Variants in MARCHF5 observed in about 807,000 individuals in gnomAD.
MARCHF5 encodes the protein membrane associated ring-CH-type finger 5, also known as E3 ubiquitin-protein ligase MARCHF5.
Under a neutral mutation model 36.5 loss-of-function variants are expected in MARCHF5, and 5 were observed. The observed-to-expected ratio is 0.14, with a 90% CI of 0.07 to 0.29. The LOEUF (loss-of-function observed/expected upper bound fraction) is 0.29, where lower values mean the gene tolerates loss of function less well. Among genes scored for constraint, MARCHF5 ranks in the 10% least tolerant of loss-of-function variants. The probability of loss-of-function intolerance (pLI) is 1.00; values close to 1 mark genes in which losing one functional copy is unlikely to be tolerated. For missense variants in MARCHF5, 179 were observed against 336.3 expected (o/e 0.53, Z 3.66); for synonymous variants, 103 against 109.9 (o/e 0.94, Z 0.39).
At chr10:92,314,741 T>C (rs1472983084) in intron 2 of MARCHF5, among the ~76,000 whole-genome samples, 5 of 10,664 alleles carry the variant, frequency 4.7e-4, no homozygotes, top group South Asian at 4.9e-3. Context: ...TGCTGCTGCT[T>C]CCCCCCGCCC....
At chr10:92,303,252 C>T (rs1469720173) in intron 1 of MARCHF5, among the ~76,000 whole-genome samples, 1 of 152,160 alleles carries the variant, frequency 6.6e-6, no homozygotes, top group African/African-American at 2.4e-5. Context: ...TGTTATTCAT[C>T]CTTTCCCAAC....
At chr10:92,308,779 A>G (rs1210989220) in intron 1 of MARCHF5, among the ~76,000 whole-genome samples, 1 of 148,516 alleles carries the variant, frequency 6.7e-6, no homozygotes, top group Non-Finnish European at 1.5e-5. Context: ...ATCTTGGCTC[A>G]CTGCAAGCTC....
rs576622888 is a variant in MARCHF5, at chr10:92,322,978, C to T, written c.238+11641C>T. On this transcript the variant is annotated intron_variant, in intron 2 of 5. Transcript: ENST00000358935. Reference sequence around the variant, plus strand: ...GTCTTGATCTCTTGACCTCGTGATCCACCCACCTTGGCCTCCCAAAGTGCT... The same window carrying T: ...GTCTTGATCTCTTGACCTCGTGATCTACCCACCTTGGCCTCCCAAAGTGCT... Among the ~76,000 whole-genome samples, 260 of 151,628 alleles carry T rather than the reference C, an allele frequency of 1.7e-3. 3 individuals are homozygous for T. Among genetic ancestry groups the T allele is most frequent in the African/African-American group, 5.8e-3 (238 of 41,062 alleles).
chr10:92,291,619 C>T, intron 1 of MARCHF5, 90 bp downstream of exon 1: 1 of 1,429,986 alleles, frequency 7.0e-7, no homozygotes, highest in Non-Finnish European at 9.1e-7. Context: ...TGAGCAGAAC[C>T]CGGCGTGCCG....
chr10:92,336,895 GGCAGATC>G (rs1353680884), intron 2 of MARCHF5, among the ~76,000 whole-genome samples: 1 of 152,114 alleles, frequency 6.6e-6, no homozygotes, highest in Non-Finnish European at 1.5e-5. Flanking sequence ...GGCCAAGGTG[GGCAGATC>G]GCTTGAGCCT....
intron 3 of MARCHF5, among the ~76,000 whole-genome samples, chr10:92,346,865 C>T (rs534276994): frequency 2.4e-4 from 37 of 152,162 alleles, no homozygotes; most frequent in South Asian, 6.2e-4. Context: ...TCCTCTTGTT[C>T]GCTCTAGTCT....
At chr10:92,323,352 C>G (rs1325795113) in intron 2 of MARCHF5, among the ~76,000 whole-genome samples, 1 of 152,172 alleles carries the variant, frequency 6.6e-6, no homozygotes, top group African/African-American at 2.4e-5. Flanking sequence ...CAGAGTGTTA[C>G]ATTTTTTACA....
intron 1 of MARCHF5, among the ~76,000 whole-genome samples, chr10:92,296,309 C>T (rs187641401): frequency 9.9e-4 from 151 of 152,192 alleles, no homozygotes; most frequent in Middle Eastern, 6.8e-3. Flanking sequence ...TTTCTAGTGT[C>T]GTGAATGTTT....
At chr10:92,294,661 A>G (rs1045488179) in intron 1 of MARCHF5, among the ~76,000 whole-genome samples, 2 of 152,150 alleles carry the variant, frequency 1.3e-5, no homozygotes, top group Non-Finnish European at 2.9e-5. Context: ...TCATTTGTTT[A>G]TTTCTTTAAT....
intron 3 of MARCHF5, among the ~76,000 whole-genome samples, chr10:92,343,647 G>A (rs1439833755): frequency 6.6e-6 from 1 of 152,126 alleles, no homozygotes; most frequent in Non-Finnish European, 1.5e-5. Flanking sequence ...TCAGCTCACC[G>A]CAACCTCCGC....
chr10:92,306,899 A>G (rs1843079772), intron 1 of MARCHF5, among the ~76,000 whole-genome samples: 1 of 152,138 alleles, frequency 6.6e-6, no homozygotes, highest in African/African-American at 2.4e-5. Context: ...CTGTAGTCCC[A>G]GTTACTAGGG....
At chr10:92,344,432 T>A (rs896105411) in intron 3 of MARCHF5, among the ~76,000 whole-genome samples, 1 of 152,232 alleles carries the variant, frequency 6.6e-6, no homozygotes, top group African/African-American at 2.4e-5. Context: ...AGTACACATA[T>A]GTGTTACCAT....
chr10:92,340,609 T>A, intron 2 of MARCHF5, 64 bp from the exon 3 acceptor site: 2 of 1,450,240 alleles, frequency 1.4e-6, no homozygotes, highest in Non-Finnish European at 1.9e-6. Context: ...ATAGAAAATA[T>A]CAAACAAGTC....
chr10:92,298,451 C>T (rs1022481572), intron 1 of MARCHF5, among the ~76,000 whole-genome samples: 5 of 152,182 alleles, frequency 3.3e-5, no homozygotes, highest in African/African-American at 1.2e-4. Flanking sequence ...GTGGACATTT[C>T]CATTTGTGTG....
In MARCHF5 at chr10:92,295,668, A is replaced by G. The variant is rs185960259; in HGVS notation, c.35+4139A>G. ...CGTAATCTGCCGGAATTGACCTCCC[A>G]CAGTGCTGGGATTACAGGCGTGAGC... On this transcript the variant is annotated intron_variant, in intron 1 of 5. Transcript: ENST00000358935. Among the ~76,000 whole-genome samples the G allele has an allele frequency of 3.3e-3, 504 of 151,984 alleles. 4 individuals are homozygous for G. Among genetic ancestry groups the G allele is most frequent in the Middle Eastern group, 0.014 (4 of 294 alleles).
At chr10:92,299,362 T>TA (rs2135176571) in intron 1 of MARCHF5, among the ~76,000 whole-genome samples, 1 of 152,308 alleles carries the variant, frequency 6.6e-6, no homozygotes, top group South Asian at 2.1e-4. Context: ...TTTGATCTGT[T>TA]ACTATAATCC....
intron 3 of MARCHF5, among the ~76,000 whole-genome samples, chr10:92,345,259 C>G (rs1019377766): frequency 3.9e-5 from 6 of 152,016 alleles, no homozygotes; most frequent in Admixed American, 3.9e-4. Flanking sequence ...GCCTGTAATC[C>G]CAGCACGTTG....
intron 1 of MARCHF5, among the ~76,000 whole-genome samples, chr10:92,302,626 T>C (rs931588080): frequency 6.6e-6 from 1 of 152,092 alleles, no homozygotes; most frequent in African/African-American, 2.4e-5. Flanking sequence ...GTATTTTTAG[T>C]AGAGACGGGG....
chr10:92,291,615 G>C, intron 1 of MARCHF5, 86 bp downstream of exon 1: 1 of 1,434,668 alleles, frequency 7.0e-7, no homozygotes, highest in South Asian at 1.4e-5. Flanking sequence ...TTGGTGAGCA[G>C]AACCCGGCGT....
Sources: allele counts gnomAD v4.1 joint callset (sites outside exome capture counted in the v4.1 genomes callset), GRCh38; gene constraint gnomAD v4.1.1; transcripts MANE v1.5; gene names NCBI Gene and HGNC (gene_info 2026-07-23, HGNC 2026-07-21).